Variants in ZNF146 observed in about 807,000 individuals in gnomAD.
The protein encoded by ZNF146 is zinc finger protein OZF.
In ZNF146, 9 loss-of-function variants were observed where a neutral mutation model predicts 22.2. That is an observed-to-expected ratio of 0.41 (90% CI 0.24 to 0.71). The LOEUF is 0.71. ZNF146 is among the 30% of genes least tolerant of loss of function. ZNF146 has a pLI of 0.34. For synonymous variants in ZNF146, 108 were observed against 119.2 expected (o/e 0.91, Z 0.61); for missense variants, 194 against 344.8 (o/e 0.56, Z 3.46).
Position 36,226,048 on chromosome 19 carries a change from G to A in ZNF146, c.-854-2700G>A, listed in dbSNP as rs546505328. On this transcript the variant is annotated intron_variant, in intron 2 of 3. Transcript: ENST00000443387. ...GCTTCCCAAAGTGCTGGGATTAGTG[G>A]CATGAGCCACTGCGTCCAGCCCACG... Among the ~76,000 whole-genome samples, 4 of 152,252 alleles carry A rather than the reference G, an allele frequency of 2.6e-5. No homozygotes were observed. The East Asian group carries it at 7.7e-4, about 29-fold the overall frequency.
chr19:36,232,697 C>T (rs535775508), intron 3 of ZNF146, among the ~76,000 whole-genome samples: 94 of 151,850 alleles, frequency 6.2e-4, no homozygotes, highest in Non-Finnish European at 1.2e-3. Flanking sequence ...CAACCTCCAC[C>T]TCCCGGTTTC....
intron 2 of ZNF146, among the ~76,000 whole-genome samples, chr19:36,228,092 G>A (rs1184970341): frequency 3.3e-5 from 5 of 151,576 alleles, no homozygotes; most frequent in East Asian, 1.9e-4. Context: ...CCCAGGAGGC[G>A]GTGGTTGCAG....
At chr19:36,231,658 T>C (rs1259102646) in intron 3 of ZNF146, among the ~76,000 whole-genome samples, 2 of 152,170 alleles carry the variant, frequency 1.3e-5, no homozygotes, top group Non-Finnish European at 2.9e-5. Flanking sequence ...CAAATTAAAA[T>C]TTTCATCCTA....
intron 2 of ZNF146, among the ~76,000 whole-genome samples, chr19:36,224,169 G>A (rs1306792216): frequency 6.6e-6 from 1 of 152,156 alleles, no homozygotes. Flanking sequence ...ATCACTTGAG[G>A]TCAGGAGTTC....
chr19:36,232,671 C>T lies in ZNF146; in HGVS notation c.-782-2988C>T, dbSNP rs547973175. Among the ~76,000 whole-genome samples, 62 of 148,164 alleles carry T rather than the reference C, an allele frequency of 4.2e-4. 1 individual carries two copies. The Middle Eastern group carries it at 0.011, about 25-fold the overall frequency. ...TCACCCAGGCTGGAGTGCAGTGGTGCGATCTGGGCTCACTACAACCTCCAC... is the reference window on the plus strand; with the variant it reads ...TCACCCAGGCTGGAGTGCAGTGGTGTGATCTGGGCTCACTACAACCTCCAC... On this transcript the variant is annotated intron_variant, in intron 3 of 3. Transcript: ENST00000443387.
At position 36,237,306 on chromosome 19, in the gene ZNF146, T is replaced by C. The variant is rs1977678377; in HGVS notation, c.866T>C (p.Ile289Thr). The change falls in exon 4 of 4, where the codon ATT (isoleucine) becomes ACT (threonine). Residue 289 changes from isoleucine (I) to threonine (T), a missense_variant. Transcript: ENST00000443387. The part of the protein sequence containing the change: ...QKSHHIRHQK[I>T]HTH ...TCACACCACATTAGACACCAGAAAA[T>C]TCATACTCACTAAAAACCCCATGAA... The C allele has an allele frequency of 6.2e-7, 1 of 1,603,258 alleles. No individual in the cohort carries two copies. Among genetic ancestry groups the C allele is most frequent in the South Asian group, 1.1e-5 (1 of 89,716 alleles).
At chr19:36,216,619 C>G (rs537394516) in intron 1 of ZNF146, among the ~76,000 whole-genome samples, 1 of 152,152 alleles carries the variant, frequency 6.6e-6, no homozygotes, top group South Asian at 2.1e-4. Flanking sequence ...GATCTCGCCA[C>G]TGCACTCCAG....
At chr19:36,218,827 G>A (rs1330570211) in intron 2 of ZNF146, among the ~76,000 whole-genome samples, 1 of 140,990 alleles carries the variant, frequency 7.1e-6, no homozygotes, top group African/African-American at 2.7e-5. Flanking sequence ...GGTGGAGGGG[G>A]GGACAGAGTC....
chr19:36,234,630 C>A (rs1166803576), intron 3 of ZNF146, among the ~76,000 whole-genome samples: 2 of 152,146 alleles, frequency 1.3e-5, no homozygotes, highest in African/African-American at 2.4e-5. Context: ...ATCTCCTGAC[C>A]TCGTGATCCG....
chr19:36,216,564 A>G (rs1367245907), intron 1 of ZNF146, among the ~76,000 whole-genome samples: 2 of 152,168 alleles, frequency 1.3e-5, no homozygotes, highest in Non-Finnish European at 2.9e-5. Context: ...AGGCTGAGGC[A>G]GGAAAATCGC....
intron 2 of ZNF146, among the ~76,000 whole-genome samples, chr19:36,227,228 A>G (rs1189086852): frequency 6.6e-6 from 1 of 150,418 alleles, no homozygotes; most frequent in Non-Finnish European, 1.5e-5. Context: ...GTCTCTACTA[A>G]AATTACAAAA....
At chr19:36,215,853 G>T (rs1409172661) in intron 1 of ZNF146, among the ~76,000 whole-genome samples, 1 of 152,104 alleles carries the variant, frequency 6.6e-6, no homozygotes, top group Non-Finnish European at 1.5e-5. Flanking sequence ...ACGGTTTTAG[G>T]TTAGGCACAG....
chr19:36,233,065 A>G (rs1260376632), intron 3 of ZNF146, among the ~76,000 whole-genome samples: 1 of 152,232 alleles, frequency 6.6e-6, no homozygotes, highest in African/African-American at 2.4e-5. Flanking sequence ...CTTCTAAAAA[A>G]TTAAATATGT....
chr19:36,236,885 A>C lies in ZNF146; in HGVS notation c.445A>C (p.Ile149Leu). ...ATCCAACCTTACTGAGCATGAGAAA[A>C]TCCATATTGGAGAGAAGCCTTTTAA... ...GKSNLTEHEKIHIGEKPFKCS... is the reference protein window; with the variant it reads ...GKSNLTEHEKLHIGEKPFKCS... Residue 149 changes from isoleucine to leucine, a missense_variant, in exon 4 of 4, where the codon ATC (isoleucine) becomes CTC (leucine). Physicochemically the swap from Ile to Leu is conservative, Grantham distance 5. Around this residue, in one of 2 missense-constraint regions of ZNF146, gnomAD observed 147 missense variants for 300.1 expected, o/e 0.49. Coordinates refer to ENST00000443387, the MANE Select transcript of ZNF146 (RefSeq NM_007145.3). 6.2e-7 allele frequency: 1 copy of C among 1,614,156 alleles called. No homozygotes were observed. Among genetic ancestry groups the C allele is most frequent in the Non-Finnish European group, 8.5e-7 (1 of 1,180,022 alleles).
chr19:36,217,544 C>A (rs368188589), intron 1 of ZNF146, among the ~76,000 whole-genome samples: 1 of 152,122 alleles, frequency 6.6e-6, no homozygotes, highest in East Asian at 1.9e-4. Context: ...GTATTGTTAA[C>A]TGAGAGAAAG....
At chr19:36,231,092 C>T (rs1736500916) in intron 3 of ZNF146, among the ~76,000 whole-genome samples, 1 of 152,104 alleles carries the variant, frequency 6.6e-6, no homozygotes, top group African/African-American at 2.4e-5. Flanking sequence ...ATATACGTGA[C>T]ACGCGTAAAC....
intron 2 of ZNF146, among the ~76,000 whole-genome samples, chr19:36,221,736 G>A (rs539935005): frequency 2.7e-5 from 4 of 150,110 alleles, no homozygotes; most frequent in Admixed American, 6.7e-5. Context: ...AACATGTCTT[G>A]TTTTTTTTTG....
intron 3 of ZNF146, among the ~76,000 whole-genome samples, chr19:36,232,846 A>G (rs1053363941): frequency 6.6e-6 from 1 of 152,096 alleles, no homozygotes; most frequent in Non-Finnish European, 1.5e-5. Context: ...TTGGCCCCAC[A>G]GTGCTGGGAT....
intron 2 of ZNF146, among the ~76,000 whole-genome samples, chr19:36,223,917 A>G (rs1976968372): frequency 6.6e-6 from 1 of 152,024 alleles, no homozygotes; most frequent in South Asian, 2.1e-4. Context: ...TCCTGGGCCC[A>G]AGTGATCCTG....
Sources: allele counts gnomAD v4.1 joint callset (sites outside exome capture counted in the v4.1 genomes callset), GRCh38; gene constraint gnomAD v4.1.1; regional missense constraint gnomAD v4.1.1; transcripts MANE v1.5; gene names NCBI Gene and HGNC (gene_info 2026-07-23, HGNC 2026-07-21).